Variants in U2AF2 observed in about 807,000 individuals in gnomAD.
The protein encoded by U2AF2 is U2 small nuclear RNA auxiliary factor 2, also known as splicing factor U2AF 65 kDa subunit.
In U2AF2, 6 loss-of-function variants were observed where a neutral mutation model predicts 52.6. The observed-to-expected ratio is 0.11, with a 90% CI of 0.06 to 0.23. U2AF2 has a LOEUF of 0.23. Ranked by LOEUF, U2AF2 falls within the 10% of genes least tolerant of loss-of-function variation. The probability of loss-of-function intolerance (pLI) is 1.00; values close to 1 mark genes in which losing one functional copy is unlikely to be tolerated. For synonymous variants in U2AF2, 284 were observed against 258.2 expected (o/e 1.10, Z -0.96); for missense variants, 222 against 677.1 (o/e 0.33, Z 7.46).
intron 1 of U2AF2, among the ~76,000 whole-genome samples, chr19:55,656,876 G>T (rs1367898789): frequency 1.3e-5 from 2 of 152,198 alleles, no homozygotes; most frequent in Admixed American, 6.5e-5. Context: ...AGGGTCTTCC[G>T]CTCACAGAGA....
intron 4 of U2AF2, 114 bp from the exon 5 acceptor site, chr19:55,660,924 A>G: frequency 1.4e-6 from 2 of 1,472,878 alleles, no homozygotes; most frequent in South Asian, 2.9e-5. Context: ...AGGTGCTAAG[A>G]CCGAGAGCCT....
chr19:55,665,751 C>T (rs553265298), intron 7 of U2AF2, among the ~76,000 whole-genome samples: 3 of 152,236 alleles, frequency 2.0e-5, no homozygotes, highest in South Asian at 2.1e-4. Context: ...CAGGTTCAAG[C>T]GATTCTCCTG....
rs1984776443 is a variant in U2AF2 at position 55,669,828 on chromosome 19, T to TCCTATA, written c.1293+137_1293+138insCTATAC. 5.3e-6 allele frequency: 7 copies of TCCTATA among 1,328,418 alleles called. No individual in the cohort carries two copies. The South Asian group carries it at 9.2e-5, about 17-fold the overall frequency. The allele number at this position is 1,328,418 out of a possible 1,614,324, so 82.3% of individuals were successfully genotyped here. The stretch of plus-strand genomic sequence containing the variant: ...GCTCTTTCTTCCTCTCTCTCTCCTC[T>TCCTATA]CGCAGCGCGTGCGTATAGGTGTATG... On this transcript the variant is annotated intron_variant, in intron 11 of 11. Coordinates refer to ENST00000308924, the MANE Select transcript of U2AF2 (RefSeq NM_007279.3).
intron 1 of U2AF2, among the ~76,000 whole-genome samples, chr19:55,657,596 C>G (rs562346469): frequency 6.6e-6 from 1 of 152,074 alleles, no homozygotes; most frequent in African/African-American, 2.4e-5. Flanking sequence ...GAGCTGTGCC[C>G]AGTGCCGTGC....
rs1600081561 is a variant in U2AF2, at chr19:55,668,055, T to G, written c.743-452T>G. Among the ~76,000 whole-genome samples the G allele has an allele frequency of 1.3e-5, 2 of 152,282 alleles. No individual in the cohort carries two copies. Among genetic ancestry groups the G allele is most frequent in the East Asian group, 3.9e-4 (2 of 5,172 alleles). On this transcript the variant is annotated intron_variant, in intron 7 of 11. Transcript: ENST00000308924. The surrounding 1 kb of genome is among the most constrained non-coding windows in gnomAD (Gnocchi z 5.5). ...CCTTGGCCTCCCAAAGTGCTGAGAT[T>G]ACAGGCGTGAGCCCCCGCGCCCGGC...
chr19:55,672,544 A>C (rs1293810376), intron 11 of U2AF2, among the ~76,000 whole-genome samples: 3 of 152,186 alleles, frequency 2.0e-5, no homozygotes, highest in Non-Finnish European at 1.5e-5. Context: ...TGAGACACCC[A>C]AAAGCATCTC....
intron 2 of U2AF2, among the ~76,000 whole-genome samples, chr19:55,659,640 GGTT>G (rs1382800760): frequency 6.6e-6 from 1 of 151,850 alleles, no homozygotes; most frequent in African/African-American, 2.4e-5. Flanking sequence ...CTTCACAAGG[GGTT>G]GTTCTCTGTC....
intron 2 of U2AF2, among the ~76,000 whole-genome samples, chr19:55,659,653 C>T (rs1037241369): frequency 1.3e-4 from 19 of 151,442 alleles, no homozygotes; most frequent in Non-Finnish European, 1.8e-4. Flanking sequence ...TGTTCTCTGT[C>T]TCTGACTCTG....
chr19:55,663,755 G>A lies in U2AF2; in HGVS notation c.742+11G>A. 6.2e-7 allele frequency: 1 copy of A among 1,613,918 alleles called. No homozygotes were observed. The highest frequency in any genetic ancestry group is 8.5e-7 in the Non-Finnish European group (1 of 1,179,918). On this transcript the variant is annotated intron_variant, in intron 7 of 11. Transcript: ENST00000308924. ...CCGTCTATGTGCCTGGTGAGTGGGG[G>A]ATCCATTAAGGGCCCCTTTCTCCCC...
At chr19:55,661,307 G>T in intron 5 of U2AF2, 118 bp downstream of exon 5, 2 of 1,161,998 alleles carry the variant, frequency 1.7e-6, no homozygotes, top group Non-Finnish European at 2.2e-6. Context: ...AAGACCCCCC[G>T]GCCCCCTCCC....
At chr19:55,662,977 A>G (rs901621240) in intron 6 of U2AF2, among the ~76,000 whole-genome samples, 2 of 151,820 alleles carry the variant, frequency 1.3e-5, no homozygotes, top group African/African-American at 4.8e-5. Flanking sequence ...TGATGTTCCT[A>G]ACTAGTCTTC....
At chr19:55,659,469 G>T (rs1470963471) in intron 2 of U2AF2, 124 bp downstream of exon 2, 2 of 1,240,296 alleles carry the variant, frequency 1.6e-6, no homozygotes, top group Non-Finnish European at 2.1e-6. Flanking sequence ...TTCGTTCTTT[G>T]TGTGGATCTG....
Position 55,674,235 on chromosome 19 carries a change from G to A in U2AF2, c.*167G>A, listed in dbSNP as rs1985138778. 2.0e-6 allele frequency: 1 copy of A among 502,122 alleles called. No individual in the cohort carries two copies. The highest frequency in any genetic ancestry group is 3.2e-5 in the African/African-American group (1 of 31,148). 31.1% of individuals were successfully genotyped at this position (502,122 alleles called of 1,614,324 possible). On this transcript the variant is annotated 3_prime_UTR_variant, in exon 12 of 12. Coordinates refer to ENST00000308924, the MANE Select transcript of U2AF2 (RefSeq NM_007279.3). ...AATTAAGGGTGGGGGGCGGGGGTTG[G>A]GGGGTTGGGGGGTTAGGGCAGGGAG...
chr19:55,659,825 G>T (rs1984046552), intron 2 of U2AF2, among the ~76,000 whole-genome samples: 1 of 152,196 alleles, frequency 6.6e-6, no homozygotes, highest in South Asian at 2.1e-4. Flanking sequence ...TGGCCCAGGG[G>T]TGTCGGTTTC....
intron 1 of U2AF2, 151 bp downstream of exon 1, chr19:55,655,304 C>T: frequency 3.5e-6 from 3 of 856,444 alleles, no homozygotes; most frequent in Non-Finnish European, 5.1e-6. Flanking sequence ...GTTCACGTGA[C>T]GTCCCCAGCG....
chr19:55,672,875 C>T (rs552004662), intron 11 of U2AF2, among the ~76,000 whole-genome samples: 30 of 152,084 alleles, frequency 2.0e-4, no homozygotes, highest in African/African-American at 5.8e-4. Flanking sequence ...GATCTCCTGA[C>T]TTTGTGAGCC....
chr19:55,664,636 C>T (rs933883615), intron 7 of U2AF2, among the ~76,000 whole-genome samples: 1 of 152,106 alleles, frequency 6.6e-6, no homozygotes, highest in Non-Finnish European at 1.5e-5. Context: ...TCAGGGCAGG[C>T]GATGTGGAGC....
At chr19:55,666,845 C>T (rs921249951) in intron 7 of U2AF2, among the ~76,000 whole-genome samples, 17 of 152,248 alleles carry the variant, frequency 1.1e-4, no homozygotes, top group African/African-American at 4.1e-4. Flanking sequence ...CCAGGCAGAG[C>T]CTGCAGCCTG....
chr19:55,668,906 A>G lies in U2AF2; in HGVS notation c.945+114A>G. On this transcript the variant is annotated intron_variant, in intron 9 of 11. Transcript: ENST00000308924. The surrounding 1 kb of genome is among the most constrained non-coding windows in gnomAD (Gnocchi z 5.5). ...GGGCGGGAGGCGGCCAACCTGAGGCAGTGCCCTGTGTGTGGGCTCGTCCCT... is the reference window on the plus strand; with the variant it reads ...GGGCGGGAGGCGGCCAACCTGAGGCGGTGCCCTGTGTGTGGGCTCGTCCCT... The G allele has an allele frequency of 2.0e-6, 3 of 1,529,592 alleles. No individual in the cohort carries two copies. Among genetic ancestry groups the G allele is most frequent in the Non-Finnish European group, 2.6e-6 (3 of 1,135,298 alleles). 94.8% of individuals were successfully genotyped at this position (1,529,592 alleles called of 1,614,324 possible). A position where few individuals can be genotyped will look rare whatever the true frequency, so the allele number is the denominator to read the frequency against.
Sources: gnomAD v4.1 joint callset for allele counts (sites outside exome capture counted in the v4.1 genomes callset) on GRCh38, gnomAD v4.1.1 for gene constraint, Gnocchi (gnomAD v3.1) non-coding constraint, MANE v1.5 for transcripts, NCBI Gene and HGNC (gene_info 2026-07-23, HGNC 2026-07-21) for gene names.